Variants in ZNF438 observed in about 807,000 individuals in gnomAD.
ZNF438 encodes the protein zinc finger protein 438.
Under a neutral mutation model 38.0 loss-of-function variants are expected in ZNF438, and 25 were observed. The ratio of observed to expected loss-of-function variants is 0.66; its 90% CI spans 0.48 to 0.92. ZNF438 has a LOEUF of 0.92. Ranked by LOEUF, ZNF438 falls within the 40% of genes least tolerant of loss-of-function variation. The probability of loss-of-function intolerance (pLI) is 0.00; values close to 1 mark genes in which losing one functional copy is unlikely to be tolerated. For synonymous variants in ZNF438, 372 were observed against 364.1 expected, an observed-to-expected ratio of 1.02 and a Z score of -0.25; for missense variants, 1,007 against 999.6, an observed-to-expected ratio of 1.01 and a Z score of -0.10.
chr10:30,980,265 A>AC lies in ZNF438; in HGVS notation c.-191-38615_-191-38614insG, dbSNP rs1038123682. Among the ~76,000 whole-genome samples the AC allele has an allele frequency of 7.2e-5, 11 of 151,864 alleles. No homozygotes were observed. In the South Asian group the frequency reaches 1.0e-3, roughly 14 times the overall value. ...AAACTGTTTAACATTAAAAAAAAAA[A>AC]AAAAAACACCTTTTACTCCTATATG... On this transcript the variant is annotated intron_variant, in intron 1 of 5. Coordinates refer to ENST00000413025, the Ensembl canonical transcript of ZNF438.
At chr10:30,869,334 A>C (rs1337505304) in intron 4 of ZNF438, among the ~76,000 whole-genome samples, 1 of 152,120 alleles carries the variant, frequency 6.6e-6, no homozygotes, top group Non-Finnish European at 1.5e-5. Flanking sequence ...AGATCACACC[A>C]TTGCACTCCA....
intron 2 of ZNF438, among the ~76,000 whole-genome samples, chr10:30,918,127 T>C (rs2043858631): frequency 6.6e-6 from 1 of 152,198 alleles, no homozygotes; most frequent in Admixed American, 6.5e-5. Flanking sequence ...CTATGGCCTC[T>C]GTTCAATTGC....
At chr10:30,937,364 T>A (rs752285103) in intron 2 of ZNF438, among the ~76,000 whole-genome samples, 1 of 152,234 alleles carries the variant, frequency 6.6e-6, no homozygotes, top group Non-Finnish European at 1.5e-5. Context: ...TTCAACTTAA[T>A]GCTAGGGAAC....
chr10:31,024,405 T>A (rs958375108), intron 1 of ZNF438, among the ~76,000 whole-genome samples: 1 of 152,074 alleles, frequency 6.6e-6, no homozygotes, highest in Non-Finnish European at 1.5e-5. Flanking sequence ...GGCGGGCGGA[T>A]CACGAGGTCA....
At position 30,962,477 on chromosome 10, in the gene ZNF438, G is replaced by T. The variant is rs561624735; in HGVS notation, c.-191-20826C>A. Among the ~76,000 whole-genome samples the T allele has an allele frequency of 1.8e-4, 26 of 147,402 alleles. 3 individuals are homozygous for T. Among genetic ancestry groups the T allele is most frequent in the Admixed American group, 4.1e-4 (6 of 14,632 alleles). On this transcript the variant is annotated intron_variant, in intron 1 of 5. Coordinates refer to ENST00000413025, the Ensembl canonical transcript of ZNF438. ...TTTAAAAATAAAGTAAGAAAGGAAG[G>T]AATTTGGAAGGAAGAAAGACAGGGG...
chr10:30,905,085 C>A (rs2134386609), intron 3 of ZNF438, among the ~76,000 whole-genome samples: 1 of 152,304 alleles, frequency 6.6e-6, no homozygotes, highest in South Asian at 2.1e-4. Flanking sequence ...ACTTCACATA[C>A]TGTAACATTT....
At chr10:30,869,577 CAT>C (rs2037056050) in intron 4 of ZNF438, among the ~76,000 whole-genome samples, 1 of 152,160 alleles carries the variant, frequency 6.6e-6, no homozygotes, top group African/African-American at 2.4e-5. Context: ...TTTCTACAGG[CAT>C]GTGTGTGTTT....
At chr10:30,878,839 C>CT (rs1320049134) in intron 3 of ZNF438, among the ~76,000 whole-genome samples, 1 of 152,122 alleles carries the variant, frequency 6.6e-6, no homozygotes, top group East Asian at 1.9e-4. Context: ...GTGCTCCCTC[C>CT]TGCAAGGGGT....
At chr10:30,901,638 G>T (rs992290210) in intron 3 of ZNF438, among the ~76,000 whole-genome samples, 2 of 152,048 alleles carry the variant, frequency 1.3e-5, no homozygotes, top group Non-Finnish European at 2.9e-5. Context: ...CAATTGTCTC[G>T]TCGCTTGGCA....
chr10:31,017,692 T>C (rs752918371), intron 1 of ZNF438, among the ~76,000 whole-genome samples: 8 of 152,238 alleles, frequency 5.3e-5, no homozygotes, highest in African/African-American at 9.6e-5. Context: ...TGAGATTATC[T>C]GATTCACATC....
At chr10:30,885,879 C>T (rs970336622) in intron 3 of ZNF438, among the ~76,000 whole-genome samples, 8 of 152,096 alleles carry the variant, frequency 5.3e-5, no homozygotes, top group African/African-American at 1.7e-4. Context: ...TAAAAAAATT[C>T]AAGGGGAGAT....
intron 1 of ZNF438, among the ~76,000 whole-genome samples, chr10:30,995,111 T>C (rs1292099798): frequency 1.3e-5 from 2 of 149,242 alleles, no homozygotes; most frequent in Non-Finnish European, 3.0e-5. Flanking sequence ...CCAAATTTGA[T>C]AAAAGAAAAA....
chr10:30,986,499 C>T (rs1356016035), intron 1 of ZNF438, among the ~76,000 whole-genome samples: 1 of 152,206 alleles, frequency 6.6e-6, no homozygotes, highest in Non-Finnish European at 1.5e-5. Flanking sequence ...CCAAATTTTT[C>T]ACCATTCTGT....
intron 3 of ZNF438, among the ~76,000 whole-genome samples, chr10:30,881,620 A>C (rs1588977396): frequency 6.6e-6 from 1 of 152,122 alleles, no homozygotes; most frequent in African/African-American, 2.4e-5. Flanking sequence ...TTTTTGTAGA[A>C]ATTAACCAAT....
chr10:30,996,982 C>T (rs998583585), intron 1 of ZNF438, among the ~76,000 whole-genome samples: 1 of 152,016 alleles, frequency 6.6e-6, no homozygotes, highest in Admixed American at 6.5e-5. Flanking sequence ...TTAGAAAATA[C>T]CTTGAGATTA....
chr10:31,031,182 G>T (rs955350573), intron 1 of ZNF438, among the ~76,000 whole-genome samples: 1 of 152,190 alleles, frequency 6.6e-6, no homozygotes, highest in African/African-American at 2.4e-5. Flanking sequence ...TGGTCAAATA[G>T]CCAGTGGCTA....
chr10:31,028,843 A>G (rs112703088), intron 1 of ZNF438, among the ~76,000 whole-genome samples: 23 of 152,334 alleles, frequency 1.5e-4, no homozygotes, highest in African/African-American at 4.8e-4. Context: ...CCTTGCCCCT[A>G]CGGAACCTAC....
intron 1 of ZNF438, among the ~76,000 whole-genome samples, chr10:30,964,680 G>A (rs930629884): frequency 6.6e-6 from 1 of 152,146 alleles, no homozygotes; most frequent in African/African-American, 2.4e-5. Context: ...TCACGGATAG[G>A]TCAGCCAAGT....
At chr10:30,873,825 T>C (rs2037879796) in intron 4 of ZNF438, among the ~76,000 whole-genome samples, 1 of 152,160 alleles carries the variant, frequency 6.6e-6, no homozygotes, top group Admixed American at 6.5e-5. Context: ...GACAGTATGT[T>C]AGTACAGCAT....
Sources: allele counts gnomAD v4.1 joint callset (sites outside exome capture counted in the v4.1 genomes callset), GRCh38; gene constraint gnomAD v4.1.1; transcripts MANE v1.5; gene names NCBI Gene and HGNC (gene_info 2026-07-23, HGNC 2026-07-21).